DOP1B: variants seen among roughly 807,000 people sequenced by gnomAD.
DOP1B encodes protein DOP1B.
Under a neutral mutation model 233.5 loss-of-function variants are expected in DOP1B, and 174 were observed. The ratio of observed to expected loss-of-function variants is 0.75; its 90% CI spans 0.66 to 0.85. DOP1B has a LOEUF of 0.85. Ranked by LOEUF, DOP1B falls within the 40% of genes least tolerant of loss-of-function variation. DOP1B has a pLI of 0.00. For synonymous variants in DOP1B, 1,190 were observed against 1,185.6 expected, an observed-to-expected ratio of 1.00 and a Z score of -0.08; for missense variants, 2,652 against 2,846.6, an observed-to-expected ratio of 0.93 and a Z score of 1.56.
intron 2 of DOP1B, among the ~76,000 whole-genome samples, chr21:36,190,939 G>A (rs2066226642): frequency 6.6e-6 from 1 of 152,324 alleles, no homozygotes; most frequent in East Asian, 1.9e-4. Flanking sequence ...AGTCTTGGCA[G>A]CCCTGGACCT....
rs2067511496 is a variant in DOP1B at position 36,288,148 on chromosome 21, T to C, written c.6295T>C (p.Leu2099=). 2 of 1,613,150 alleles carry C rather than the reference T, an allele frequency of 1.2e-6. No homozygotes were observed. Among genetic ancestry groups the C allele is most frequent in the Non-Finnish European group, 8.5e-7 (1 of 1,179,836 alleles). Reference sequence around the variant, plus strand: ...ATTGTGGCCAATAATGGTCTCTGAATTGGTGAGTACAAGTATTGTAAGTTT... The same window carrying C: ...ATTGTGGCCAATAATGGTCTCTGAACTGGTGAGTACAAGTATTGTAAGTTT... ...TSLWPIMVSE[L]IQTFTQLEED... Residue 2099 remains leucine, a splice_region_variant and synonymous_variant, in exon 33 of 37, where the codon TTG becomes CTG. Coordinates refer to ENST00000691173, the MANE Select transcript of DOP1B (RefSeq NM_001320714.2).
At chr21:36,271,998 A>C (rs2067294640) in intron 27 of DOP1B, among the ~76,000 whole-genome samples, 1 of 148,470 alleles carries the variant, frequency 6.7e-6, no homozygotes, top group African/African-American at 2.5e-5. Context: ...TGCTACTGTC[A>C]GTGTCATTTA....
intron 17 of DOP1B, 81 bp downstream of exon 17, chr21:36,238,782 G>A: frequency 7.4e-7 from 1 of 1,351,290 alleles, no homozygotes; most frequent in Non-Finnish European, 1.1e-6. Flanking sequence ...TGGGGCTGGG[G>A]AGGGAGAGGA....
chr21:36,198,068 TA>T (rs533290806), intron 2 of DOP1B, among the ~76,000 whole-genome samples: 2 of 149,548 alleles, frequency 1.3e-5, no homozygotes, highest in South Asian at 4.3e-4. Flanking sequence ...AGGCCTTCAG[TA>T]AATATTTGTG....
At chr21:36,289,022 A>G (rs2067522041) in intron 34 of DOP1B, 23 bp from the exon 35 acceptor site, 4 of 1,609,444 alleles carry the variant, frequency 2.5e-6, no homozygotes, top group Non-Finnish European at 3.4e-6. Flanking sequence ...ATTTATAACA[A>G]GCGTTTCTTT....
chr21:36,203,500 G>A (rs2066393710), intron 4 of DOP1B, among the ~76,000 whole-genome samples: 1 of 152,156 alleles, frequency 6.6e-6, no homozygotes, highest in Non-Finnish European at 1.5e-5. Context: ...CCTCGGAGGT[G>A]GAGGTTGCAG....
chr21:36,219,226 A>G, intron 9 of DOP1B, 146 bp from the exon 10 acceptor site: 2 of 1,115,066 alleles, frequency 1.8e-6, no homozygotes, highest in Non-Finnish European at 2.5e-6. Context: ...GTCACCAGTA[A>G]AGTTAAGTTT....
Position 36,179,054 on chromosome 21 carries a change from C to G in DOP1B, c.138+14183C>G, listed in dbSNP as rs931144817. Among the ~76,000 whole-genome samples, 10 of 152,178 alleles carry G rather than the reference C, an allele frequency of 6.6e-5. No individual in the cohort carries two copies. In the East Asian group the frequency reaches 1.7e-3, roughly 26 times the overall value. On this transcript the variant is annotated intron_variant, in intron 2 of 36. Coordinates refer to ENST00000691173, the MANE Select transcript of DOP1B (RefSeq NM_001320714.2). ...CTGAAAGTTTATATAAATGGAATCC[C>G]ACAGTATGTGCCGTCTCTCTCCTTT...
At chr21:36,164,946 C>T (rs893325111) in intron 2 of DOP1B, 75 bp downstream of exon 2, 33 of 1,251,350 alleles carry the variant, frequency 2.6e-5, no homozygotes, top group South Asian at 5.2e-5. Flanking sequence ...TAAGAAATTA[C>T]ATGATTATAT....
rs567435024 is a variant in DOP1B at position 36,191,124 on chromosome 21, C to T, written c.139-7946C>T. ...CAAATACTTCTTACCTTGGAGTTTT[C>T]CTAGCCGTGGCTAGTGGGTCATAAT... On this transcript the variant is annotated intron_variant, in intron 2 of 36. Transcript: ENST00000691173. 4.6e-5 allele frequency among the ~76,000 whole-genome samples: 7 copies of T among 152,228 alleles called. No homozygotes were observed. The South Asian group carries it at 1.5e-3, about 32-fold the overall frequency.
chr21:36,258,113 A>G lies in DOP1B; in HGVS notation c.5260-2564A>G, dbSNP rs547160824. Among the ~76,000 whole-genome samples, 3 of 152,240 alleles carry G rather than the reference A, an allele frequency of 2.0e-5. No individual in the cohort carries two copies. In the South Asian group the frequency reaches 6.2e-4, roughly 32 times the overall value. On this transcript the variant is annotated intron_variant, in intron 23 of 36. Coordinates refer to ENST00000691173, the MANE Select transcript of DOP1B (RefSeq NM_001320714.2). ...TAGATAGATGTAGGTAGGTAGATAG[A>G]TATTATGATTTTAGAGTGTTAAAGG...
intron 6 of DOP1B, 101 bp downstream of exon 6, chr21:36,211,752 T>C (rs1601415394): frequency 4.4e-6 from 6 of 1,360,872 alleles, no homozygotes; most frequent in Admixed American, 1.9e-5. Flanking sequence ...CAGCCACTCA[T>C]GGGCATTATT....
At chr21:36,206,908 G>A (rs1463624815) in intron 4 of DOP1B, among the ~76,000 whole-genome samples, 3 of 152,146 alleles carry the variant, frequency 2.0e-5, no homozygotes, top group South Asian at 2.1e-4. Flanking sequence ...CTAAGAAGAC[G>A]GTACCATGCA....
At chr21:36,161,801 C>A (rs575926451) in intron 1 of DOP1B, among the ~76,000 whole-genome samples, 1 of 152,336 alleles carries the variant, frequency 6.6e-6, no homozygotes, top group East Asian at 1.9e-4. Context: ...CACTAACCTA[C>A]TTGCCTTCTC....
chr21:36,250,376 G>A (rs1311610910), intron 21 of DOP1B, among the ~76,000 whole-genome samples: 1 of 152,212 alleles, frequency 6.6e-6, no homozygotes, highest in East Asian at 1.9e-4. Flanking sequence ...TGCCCCTGTG[G>A]CAGAGGCAGA....
At chr21:36,240,398 T>C (rs2156413) in intron 18 of DOP1B, among the ~76,000 whole-genome samples, 95,072 of 151,532 alleles carry the variant, frequency 0.63, 30,797 homozygotes, top group East Asian at 0.96. Flanking sequence ...GAGAATCTCT[T>C]GAACCCGGGA....
chr21:36,169,261 A>G, intron 2 of DOP1B: 2 of 859,300 alleles, frequency 2.3e-6, no homozygotes, highest in Admixed American at 1.7e-5. Context: ...CAGACAGGTC[A>G]TAGTCCGTGG....
At chr21:36,286,529 G>T (rs930563916) in intron 32 of DOP1B, among the ~76,000 whole-genome samples, 2 of 151,616 alleles carry the variant, frequency 1.3e-5, no homozygotes, top group Admixed American at 6.6e-5. Flanking sequence ...CCAGCTACTC[G>T]GGAAGCTGAG....
intron 2 of DOP1B, among the ~76,000 whole-genome samples, chr21:36,177,102 C>T (rs761011534): frequency 6.6e-5 from 10 of 152,170 alleles, no homozygotes; most frequent in East Asian, 1.9e-4. Flanking sequence ...CGTGAGCCAC[C>T]GTGCCCAGTC....
Sources: gnomAD v4.1 joint callset for allele counts (sites outside exome capture counted in the v4.1 genomes callset) on GRCh38, gnomAD v4.1.1 for gene constraint, MANE v1.5 for transcripts, NCBI Gene and HGNC (gene_info 2026-07-23, HGNC 2026-07-21) for gene names.